SLC19A2: variants seen among roughly 807,000 people sequenced by gnomAD.
The protein encoded by SLC19A2 is thiamine transporter 1.
SLC19A2 carries 27 observed loss-of-function variants against 44.7 expected under a neutral mutation model. The observed-to-expected ratio is 0.60, with a 90% CI of 0.45 to 0.83. SLC19A2 has a LOEUF of 0.83. Among genes scored for constraint, SLC19A2 ranks in the 40% least tolerant of loss-of-function variants. The pLI, the probability that SLC19A2 is intolerant of heterozygous loss-of-function variation, is 0.00. For missense variants in SLC19A2, 566 were observed against 613.7 expected (o/e 0.92, Z 0.82); for synonymous variants, 239 against 243.6 (o/e 0.98, Z 0.18).
At chr1:169,472,500 A>G (rs1658209721) in intron 2 of SLC19A2, among the ~76,000 whole-genome samples, 2 of 152,216 alleles carry the variant, frequency 1.3e-5, no homozygotes, top group Non-Finnish European at 2.9e-5. Flanking sequence ...ACCTATCCAC[A>G]AAAGATTATA....
chr1:169,469,149 T>A (rs1456649050), intron 3 of SLC19A2: 1 of 349,662 alleles, frequency 2.9e-6, no homozygotes, highest in Non-Finnish European at 5.3e-6. Context: ...AAAAGAACCA[T>A]AGCTTCTAAT....
rs1007470423 is a variant in SLC19A2, at chr1:169,465,709, A to G, written c.*140T>C. 6.6e-5 allele frequency: 56 copies of G among 849,364 alleles called. No individual in the cohort carries two copies. Among genetic ancestry groups the G allele is most frequent in the Admixed American group, 2.4e-4 (13 of 54,316 alleles). 52.6% of individuals were successfully genotyped at this position (849,364 alleles called of 1,614,324 possible). On this transcript the variant is annotated 3_prime_UTR_variant, in exon 6 of 6. Transcript: ENST00000236137. ...AATAGTATCATGTTATTCCCGGAAC[A>G]CAAGGTATTAGTCAAGTGGCTGCTG...
At chr1:169,471,463 CCACACACACACACACACACACA>C (rs59833853) in intron 2 of SLC19A2, among the ~76,000 whole-genome samples, 1,257 of 118,064 alleles carry the variant, frequency 0.011, 31 homozygotes, top group African/African-American at 0.038. Context: ...GATCCCGTCT[CCACACACACACACACACACACA>C]CACACACACA....
intron 5 of SLC19A2, among the ~76,000 whole-genome samples, chr1:169,467,682 C>T (rs1206257420): frequency 6.6e-6 from 1 of 152,072 alleles, no homozygotes; most frequent in African/African-American, 2.4e-5. Flanking sequence ...CAAGGCATTA[C>T]CGTGGTATTT....
At chr1:169,472,272 T>TTA (rs1658203310) in intron 2 of SLC19A2, among the ~76,000 whole-genome samples, 1 of 152,212 alleles carries the variant, frequency 6.6e-6, no homozygotes, top group South Asian at 2.1e-4. Context: ...CATCAGAATT[T>TTA]TACTATTTAG....
In SLC19A2 at chr1:169,470,201, G is replaced by T. The variant is rs1319086936; in HGVS notation, c.808-15C>A. ...GGCTTGGGTTCCTACATAGCAAAAG[G>T]GAACAATGCTCAAACTCTGATGAAG... On this transcript the variant is annotated splice_polypyrimidine_tract_variant and intron_variant, in intron 2 of 5. Coordinates refer to ENST00000236137, the MANE Select transcript of SLC19A2 (RefSeq NM_006996.3). 6.2e-7 allele frequency: 1 copy of T among 1,606,780 alleles called. No individual in the cohort carries two copies. The highest frequency in any genetic ancestry group is 8.5e-7 in the Non-Finnish European group (1 of 1,173,730).
chr1:169,475,969 G>C (rs1000582129), intron 2 of SLC19A2, among the ~76,000 whole-genome samples: 33 of 152,162 alleles, frequency 2.2e-4, no homozygotes, highest in African/African-American at 7.7e-4. Flanking sequence ...TTTATTATCA[G>C]CCAGCCTACA....
chr1:169,466,256 T>C (rs1442051926), intron 5 of SLC19A2, among the ~76,000 whole-genome samples: 1 of 152,208 alleles, frequency 6.6e-6, no homozygotes, highest in African/African-American at 2.4e-5. Flanking sequence ...GAATTCATAG[T>C]AGTTCTCACT....
chr1:169,476,855 CT>C (rs1658330593), intron 2 of SLC19A2, among the ~76,000 whole-genome samples: 1 of 152,128 alleles, frequency 6.6e-6, no homozygotes, highest in Admixed American at 6.5e-5. Flanking sequence ...ATGCCAAACA[CT>C]CAAAAGATGA....
At chr1:169,467,977 G>T in intron 5 of SLC19A2, 134 bp downstream of exon 5, 2 of 857,160 alleles carry the variant, frequency 2.3e-6, no homozygotes, top group Non-Finnish European at 3.8e-6. Context: ...GATGTTGAAT[G>T]AAGGAAGGAG....
intron 2 of SLC19A2, among the ~76,000 whole-genome samples, chr1:169,472,722 G>A (rs1383861478): frequency 2.6e-5 from 4 of 152,164 alleles, no homozygotes; most frequent in African/African-American, 9.7e-5. Context: ...AGAAAAGATG[G>A]CAGGTCCTGT....
At chr1:169,484,997 T>G (rs1658521707) in intron 1 of SLC19A2, among the ~76,000 whole-genome samples, 1 of 152,192 alleles carries the variant, frequency 6.6e-6, no homozygotes, top group Non-Finnish European at 1.5e-5. Context: ...GGACACAACC[T>G]CACCCAATTA....
chr1:169,470,027 C>CT lies in SLC19A2; in HGVS notation c.966dup (p.Val323SerfsTer11), dbSNP rs768372071. On this transcript the variant is annotated frameshift_variant, in exon 3 of 6. Transcript: ENST00000236137. LOFTEE classifies it high-confidence loss of function. Reference sequence around the variant, plus strand: ...ATAGCAGCATAGCGAGAAGGCATCACTTTCTCCCACAGGCCCTGTGTGTAG... The same window carrying CT: ...ATAGCAGCATAGCGAGAAGGCATCACTTTTCTCCCACAGGCCCTGTGTGTAG... 6.2e-7 allele frequency: 1 copy of CT among 1,614,056 alleles called. No homozygotes were observed. The highest frequency in any genetic ancestry group is 1.1e-5 in the South Asian group (1 of 91,078).
At chr1:169,481,965 G>A (rs1013603045) in intron 1 of SLC19A2, among the ~76,000 whole-genome samples, 4 of 151,934 alleles carry the variant, frequency 2.6e-5, no homozygotes, top group Non-Finnish European at 2.9e-5. Context: ...TTGGGAAGCC[G>A]AGGTGGGTAG....
chr1:169,481,172 G>A (rs538363159), intron 1 of SLC19A2, among the ~76,000 whole-genome samples: 14 of 152,244 alleles, frequency 9.2e-5, no homozygotes, highest in African/African-American at 2.4e-4. Context: ...TACACACCAC[G>A]CTAAGCACTT....
intron 2 of SLC19A2, 99 bp from the exon 3 acceptor site, chr1:169,470,285 T>C: frequency 2.1e-6 from 2 of 957,952 alleles, no homozygotes; most frequent in Admixed American, 4.0e-5. Flanking sequence ...CTTTTTTCCT[T>C]GTGAAAACTA....
Position 169,477,334 on chromosome 1 carries a change from TAGGTAAAAACC to T in SLC19A2, c.617_627del (p.Trp206TyrfsTer31). The T allele has an allele frequency of 6.2e-7, 1 of 1,614,132 alleles. No individual in the cohort carries two copies. Among genetic ancestry groups the T allele is most frequent in the Non-Finnish European group, 8.5e-7 (1 of 1,180,020 alleles). On this transcript the variant is annotated frameshift_variant, in exon 2 of 6. Transcript: ENST00000236137. LOFTEE classifies it high-confidence loss of function. ...TGAAAGAAGAGGCTCTTCTGTGGCA[TAGGTAAAAACC>T]AGGCCACAGCAAAAGCCACTGAAAC...
chr1:169,473,370 G>A (rs1296972011), intron 2 of SLC19A2, among the ~76,000 whole-genome samples: 1 of 151,602 alleles, frequency 6.6e-6, no homozygotes, highest in Admixed American at 6.6e-5. Context: ...AAGTAGCTGG[G>A]ATTACAGGCA....
chr1:169,479,327 T>C (rs183571399), intron 1 of SLC19A2, among the ~76,000 whole-genome samples: 1 of 152,330 alleles, frequency 6.6e-6, no homozygotes, highest in Admixed American at 6.5e-5. Context: ...TGTTTTTAAA[T>C]AGAAAAAAGA....
Sources: gnomAD v4.1 joint callset for allele counts (sites outside exome capture counted in the v4.1 genomes callset) on GRCh38, gnomAD v4.1.1 for gene constraint, MANE v1.5 for transcripts, NCBI Gene and HGNC (gene_info 2026-07-23, HGNC 2026-07-21) for gene names.